APLP1: variants seen among roughly 807,000 people sequenced by gnomAD.
APLP1 encodes the protein amyloid beta precursor like protein 1.
A neutral mutation model predicts 84.5 loss-of-function variants in APLP1; 46 were observed. The ratio of observed to expected loss-of-function variants is 0.54; its 90% CI spans 0.43 to 0.70. The LOEUF (loss-of-function observed/expected upper bound fraction) is 0.70, where lower values mean the gene tolerates loss of function less well. Ranked by LOEUF, APLP1 falls within the 30% of genes least tolerant of loss-of-function variation. The probability of loss-of-function intolerance (pLI) is 0.00; values close to 1 mark genes in which losing one functional copy is unlikely to be tolerated. For missense variants in APLP1, 826 were observed against 900.2 expected (o/e 0.92, Z 1.05); for synonymous variants, 376 against 364.0 (o/e 1.03, Z -0.38).
Position 35,879,749 on chromosome 19 carries a change from C to T in APLP1, c.*308C>T, listed in dbSNP as rs761272953. The T allele has an allele frequency of 9.7e-5, 34 of 351,856 alleles. No homozygotes were observed. The Middle Eastern group carries it at 3.8e-3, about 39-fold the overall frequency. The allele number at this position is 351,856 out of a possible 1,614,324, so 21.8% of individuals were successfully genotyped here. On this transcript the variant is annotated 3_prime_UTR_variant, in exon 17 of 17. Transcript: ENST00000221891. Reference sequence around the variant, plus strand: ...GTCTATTCCCTGGAATTCACCCTCTCATGTTTCCCTACTAACATCCCAATA... The same window carrying T: ...GTCTATTCCCTGGAATTCACCCTCTTATGTTTCCCTACTAACATCCCAATA...
chr19:35,870,560 G>C (rs1427115583), intron 2 of APLP1: 5 of 252,162 alleles, frequency 2.0e-5, no homozygotes, highest in Non-Finnish European at 3.8e-5. Context: ...GAGGCAGGCG[G>C]ATCACCTGAG....
chr19:35,872,457 T>C (rs1480670021), intron 6 of APLP1, 26 bp from the exon 7 acceptor site: 1 of 1,606,494 alleles, frequency 6.2e-7, no homozygotes, highest in African/African-American at 1.3e-5. Context: ...GGCTGCAGAC[T>C]GACCTCCTGA....
chr19:35,871,559 A>G, intron 4 of APLP1, 53 bp from the exon 5 acceptor site: 1 of 1,606,872 alleles, frequency 6.2e-7, no homozygotes, highest in Non-Finnish European at 8.5e-7. Flanking sequence ...CCAGTTCCCC[A>G]TCTACCCCCT....
chr19:35,878,777 C>A (rs773447282), intron 14 of APLP1, 113 bp from the exon 15 acceptor site: 7 of 1,533,746 alleles, frequency 4.6e-6, no homozygotes, highest in Non-Finnish European at 6.3e-6. Flanking sequence ...GAGCTGAGGA[C>A]GTGGAATTGA....
intron 11 of APLP1, among the ~76,000 whole-genome samples, chr19:35,877,413 CGGGAGGTG>C (rs1162778874): frequency 6.6e-6 from 1 of 150,624 alleles, no homozygotes; most frequent in Non-Finnish European, 1.5e-5. Flanking sequence ...TGCTTGAACC[CGGGAGGTG>C]GAGGTTGCAG....
intron 1 of APLP1, chr19:35,869,047 A>G: frequency 2.9e-6 from 1 of 340,780 alleles, no homozygotes. Context: ...CTCCAGACCC[A>G]GGTGACTCGG....
rs752911151 is a variant in APLP1, at chr19:35,874,507, T to G, written c.1060T>G (p.Phe354Val). The change falls in exon 9 of 17, where the codon TTC becomes GTC. Residue 354 changes from phenylalanine to valine, a missense_variant. Around this residue, in one of 3 missense-constraint regions of APLP1, gnomAD observed 433 missense variants for 496.5 expected, o/e 0.87. Transcript: ENST00000221891. The surrounding 1 kb of genome is among the most constrained non-coding windows in gnomAD (Gnocchi z 6.4). ...KADRQALNEH[F>V]QSILQTLEEQ... ...CCTGTGCCCACCCGCTCCCCAGCAC[T>G]TCCAGTCCATTCTGCAGACTCTGGA... is the stretch of plus-strand genomic sequence containing the variant. The G allele has an allele frequency of 3.1e-6, 5 of 1,614,138 alleles. No homozygotes were observed. In the South Asian group the frequency reaches 5.5e-5, roughly 18 times the overall value.
At position 35,879,098 on chromosome 19, in the gene APLP1, C is replaced by T; in HGVS notation, c.1738C>T (p.Arg580Cys). ...ELAPAGTGVS[R>C]EAVSGLLIMG... Reference sequence around the variant, plus strand: ...GGCACCAGCTGGGACAGGGGTGTCCCGTGAGGCTGTGTCGGGTCTGCTGAT... The same window carrying T: ...GGCACCAGCTGGGACAGGGGTGTCCTGTGAGGCTGTGTCGGGTCTGCTGAT... The change falls in exon 16 of 17, where the codon CGT (arginine) becomes TGT (cysteine). Residue 580 changes from arginine (R) to cysteine (C), a missense_variant. Around this residue, in one of 3 missense-constraint regions of APLP1, gnomAD observed 433 missense variants for 496.5 expected, o/e 0.87. Coordinates refer to ENST00000221891, the MANE Select transcript of APLP1 (RefSeq NM_001024807.3). 6.2e-7 allele frequency: 1 copy of T among 1,612,138 alleles called. No homozygotes were observed. Among genetic ancestry groups the T allele is most frequent in the Non-Finnish European group, 8.5e-7 (1 of 1,179,978 alleles).
At chr19:35,875,328 ATT>A (rs35284323) in intron 10 of APLP1, among the ~76,000 whole-genome samples, 21 of 133,070 alleles carry the variant, frequency 1.6e-4, no homozygotes, top group Non-Finnish European at 1.4e-4. Context: ...CACTGGGCTA[ATT>A]TTTTTTTTTT....
rs772861908 is a variant in APLP1 at position 35,868,664 on chromosome 19, G to C, written c.28G>C (p.Gly10Arg). Reference sequence around the variant, plus strand: ...GGGGCCCGCCAGCCCCGCTGCTCGCGGTCTAAGTCGCCGCCCGGGCCAGCC... The same window carrying C: ...GGGGCCCGCCAGCCCCGCTGCTCGCCGTCTAAGTCGCCGCCCGGGCCAGCC... MGPASPAAR[G>R]LSRRPGQPPL... The change falls in exon 1 of 17, where the codon GGT becomes CGT. Residue 10 changes from glycine to arginine, a missense_variant. Around this residue, in one of 3 missense-constraint regions of APLP1, gnomAD observed 10 missense variants for 25.4 expected, o/e 0.39. Coordinates refer to ENST00000221891, the MANE Select transcript of APLP1 (RefSeq NM_001024807.3). This position sits in a 1 kb window ranked among gnomAD's most constrained non-coding sequence, Gnocchi z 5.2. 2.2e-6 allele frequency: 3 copies of C among 1,392,376 alleles called. No homozygotes were observed. In the South Asian group the frequency reaches 4.7e-5, roughly 22 times the overall value. 86.3% of individuals were successfully genotyped at this position (1,392,376 alleles called of 1,614,324 possible). A position where few individuals can be genotyped will look rare whatever the true frequency, so the allele number is the denominator to read the frequency against.
In APLP1 at chr19:35,874,244, A is replaced by T. The variant is rs1193180802; in HGVS notation, c.1057-260A>T. Among the ~76,000 whole-genome samples the T allele has an allele frequency of 6.6e-6, 1 of 151,982 alleles. No homozygotes were observed. The highest frequency in any genetic ancestry group is 1.5e-5 in the Non-Finnish European group (1 of 67,992). On this transcript the variant is annotated intron_variant, in intron 8 of 16. Transcript: ENST00000221891. The surrounding 1 kb of genome is among the most constrained non-coding windows in gnomAD (Gnocchi z 6.4). ...AAGGCTTTGTCCCTTTCACCTTAACATTGGTCAGTTCTGCTCCCAGATTGC... is the reference window on the plus strand; with the variant it reads ...AAGGCTTTGTCCCTTTCACCTTAACTTTGGTCAGTTCTGCTCCCAGATTGC...
rs2146914230 is a variant in APLP1 at position 35,877,704 on chromosome 19, C to T, written c.1445-14C>T. 2 of 1,600,328 alleles carry T rather than the reference C, an allele frequency of 1.2e-6. No homozygotes were observed. The highest frequency in any genetic ancestry group is 3.5e-4 in the Middle Eastern group (2 of 5,706). The stretch of plus-strand genomic sequence containing the variant: ...GCTCACTACCTCAGCCACCTTTCTG[C>T]ATGTCCCCCTCAGAGGAACTCCTCC... On this transcript the variant is annotated splice_polypyrimidine_tract_variant and intron_variant, in intron 11 of 16. Transcript: ENST00000221891.
At chr19:35,878,792 C>A in intron 14 of APLP1, 98 bp from the exon 15 acceptor site, 1 of 1,556,162 alleles carries the variant, frequency 6.4e-7, no homozygotes, top group Non-Finnish European at 8.9e-7. Flanking sequence ...AATTGAGATC[C>A]TAGAAAATGA....
At chr19:35,872,913 G>A (rs1020827964) in intron 7 of APLP1, among the ~76,000 whole-genome samples, 3 of 151,670 alleles carry the variant, frequency 2.0e-5, no homozygotes, top group Non-Finnish European at 2.9e-5. Flanking sequence ...AGGCTGGAGT[G>A]CAATGGTGCG....
chr19:35,872,030 G>A lies in APLP1; in HGVS notation c.844G>A (p.Gly282Ser), dbSNP rs199883121. The change falls in exon 6 of 17, where the codon GGC becomes AGC. Residue 282 changes from glycine (G) to serine (S), a missense_variant. Transcript: ENST00000221891. Reference protein sequence around the residue: ...PPSSHTLAVVGKVTPTPRPTD... With the variant: ...PPSSHTLAVVSKVTPTPRPTD... The stretch of plus-strand genomic sequence containing the variant: ...AAGCTCCCATACACTTGCAGTGGTC[G>A]GCAAAGGTGAGGCAGTCTCTGAACC... 3.7e-5 allele frequency: 59 copies of A among 1,613,568 alleles called. No individual in the cohort carries two copies. The highest frequency in any genetic ancestry group is 9.9e-5 in the South Asian group (9 of 91,030).
Position 35,871,540 on chromosome 19 carries a change from C to T in APLP1, c.538-72C>T, listed in dbSNP as rs113738095. ...GCTCCCAGCCTCATCAACCCCCAAC[C>T]CTGGCAGCCCAGTTCCCCATCTACC... On this transcript the variant is annotated intron_variant, in intron 4 of 16. Coordinates refer to ENST00000221891, the MANE Select transcript of APLP1 (RefSeq NM_001024807.3). 27 of 1,584,926 alleles carry T rather than the reference C, an allele frequency of 1.7e-5. No homozygotes were observed. In the African/African-American group the frequency reaches 1.9e-4, roughly 11 times the overall value.
At position 35,869,819 on chromosome 19, in the gene APLP1, G is replaced by A. The variant is rs1164387051; in HGVS notation, c.291+9G>A. On this transcript the variant is annotated intron_variant, in intron 2 of 16. Coordinates refer to ENST00000221891, the MANE Select transcript of APLP1 (RefSeq NM_001024807.3). ...TGGAGTACTGCAGACAGGTGGGCGG[G>A]GCCGAACGGGAGAGGCGGGGCCGCC... The A allele has an allele frequency of 3.2e-6, 5 of 1,585,150 alleles. No homozygotes were observed. Among genetic ancestry groups the A allele is most frequent in the Non-Finnish European group, 4.3e-6 (5 of 1,167,400 alleles).
rs768272777 is a variant in APLP1 at position 35,874,610 on chromosome 19, G to A, written c.1163G>A (p.Arg388His). 18 of 1,613,894 alleles carry A rather than the reference G, an allele frequency of 1.1e-5. No individual in the cohort carries two copies. Among genetic ancestry groups the A allele is most frequent in the East Asian group, 4.5e-5 (2 of 44,880 alleles). Reference sequence around the variant, plus strand: ...GTCATCGCCCTTATCAACGACCAGCGCCGGGCTGCCTTGGAGGGCTTCCTG... The same window carrying A: ...GTCATCGCCCTTATCAACGACCAGCACCGGGCTGCCTTGGAGGGCTTCCTG... ...TRVIALINDQ[R>H]RAALEGFLAA... is the part of the protein sequence containing the mutation. The change falls in exon 9 of 17, where the codon CGC (arginine) becomes CAC (histidine). Residue 388 changes from arginine to histidine, a missense_variant. Around this residue, in one of 3 missense-constraint regions of APLP1, gnomAD observed 433 missense variants for 496.5 expected, o/e 0.87. Transcript: ENST00000221891. This position sits in a 1 kb window ranked among gnomAD's most constrained non-coding sequence, Gnocchi z 6.4.
intron 6 of APLP1, 37 bp downstream of exon 6, chr19:35,872,073 A>T: frequency 6.3e-7 from 1 of 1,593,082 alleles, no homozygotes; most frequent in Non-Finnish European, 8.6e-7. Flanking sequence ...CCTCTCCACC[A>T]TAGAGGGAGA....
Sources: gnomAD v4.1 joint callset for allele counts (sites outside exome capture counted in the v4.1 genomes callset) on GRCh38, gnomAD v4.1.1 for gene constraint, gnomAD v4.1.1 regional missense constraint, Gnocchi (gnomAD v3.1) non-coding constraint, MANE v1.5 for transcripts, NCBI Gene and HGNC (gene_info 2026-07-23, HGNC 2026-07-21) for gene names.